Variants in MACROD2 observed in about 807,000 individuals in gnomAD.
MACROD2 encodes the protein ADP-ribose glycohydrolase MACROD2.
A neutral mutation model predicts 70.4 loss-of-function variants in MACROD2; 36 were observed. The ratio of observed to expected loss-of-function variants is 0.51; its 90% confidence interval spans 0.39 to 0.68. MACROD2 has a LOEUF of 0.68. Among genes scored for constraint, MACROD2 ranks in the 30% least tolerant of loss-of-function variants. The pLI, the probability that MACROD2 is intolerant of heterozygous loss-of-function variation, is 0.00. For missense variants in MACROD2, 496 were observed against 538.4 expected (o/e 0.92, Z 0.78); for synonymous variants, 172 against 178.8 (o/e 0.96, Z 0.30).
At chr20:15,333,074 G>A (rs1239073440) in intron 6 of MACROD2, among the ~76,000 whole-genome samples, 1 of 151,588 alleles carries the variant, frequency 6.6e-6, no homozygotes, top group East Asian at 1.9e-4. Context: ...AATGAAAGTA[G>A]AGTTCTTTCA....
chr20:15,180,763 T>C (rs371799975), intron 5 of MACROD2, among the ~76,000 whole-genome samples: 75 of 152,376 alleles, frequency 4.9e-4, no homozygotes, highest in African/African-American at 1.8e-3. Flanking sequence ...AGTTCTGGGA[T>C]TACAGGCGTG....
intron 6 of MACROD2, among the ~76,000 whole-genome samples, chr20:15,295,997 C>A (rs1318030574): frequency 6.6e-6 from 1 of 152,212 alleles, no homozygotes; most frequent in Admixed American, 6.5e-5. Context: ...AAATCCCCAG[C>A]AAGCTTTTGT....
At chr20:14,277,166 G>T (rs6135106) in intron 3 of MACROD2, among the ~76,000 whole-genome samples, 25,987 of 152,088 alleles carry the variant, frequency 0.17, 2,621 homozygotes, top group East Asian at 0.27. Context: ...AATTAACTGG[G>T]CATGGTGGCA....
chr20:14,429,042 A>G (rs1443991738), intron 3 of MACROD2, among the ~76,000 whole-genome samples: 5 of 152,296 alleles, frequency 3.3e-5, no homozygotes, highest in Non-Finnish European at 5.9e-5. Flanking sequence ...TGCAGTATTT[A>G]CTGCTTTAAA....
chr20:15,090,013 AGAG>A (rs2075781219), intron 5 of MACROD2, among the ~76,000 whole-genome samples: 1 of 152,138 alleles, frequency 6.6e-6, no homozygotes, highest in Non-Finnish European at 1.5e-5. Flanking sequence ...ATCAGCTTTC[AGAG>A]GAGTAGTTTA....
intron 8 of MACROD2, among the ~76,000 whole-genome samples, chr20:15,645,713 TAGTA>T (rs1244408284): frequency 6.6e-6 from 1 of 152,204 alleles, no homozygotes; most frequent in Non-Finnish European, 1.5e-5. Context: ...CTCTTACTTA[TAGTA>T]AGTAAGCTGG....
At position 14,074,327 on chromosome 20, in the gene MACROD2, G is replaced by T. The variant is rs528244257; in HGVS notation, c.164-11294G>T. 5.3e-5 allele frequency among the ~76,000 whole-genome samples: 8 copies of T among 152,054 alleles called. No individual in the cohort carries two copies. The East Asian group carries it at 1.5e-3, about 29-fold the overall frequency. On this transcript the variant is annotated intron_variant, in intron 2 of 17. Transcript: ENST00000684519. ...TTAACAGTTAATGGTCCTGTGATAC[G>T]GGTAGGATTAGATTTATTATTGGAT...
intron 12 of MACROD2, among the ~76,000 whole-genome samples, chr20:15,961,007 C>T (rs1172358762): frequency 6.6e-6 from 1 of 152,078 alleles, no homozygotes; most frequent in Non-Finnish European, 1.5e-5. Flanking sequence ...TTTACTACAA[C>T]AATTTATAAT....
intron 5 of MACROD2, among the ~76,000 whole-genome samples, chr20:14,717,624 G>A (rs1415253395): frequency 6.6e-6 from 1 of 151,512 alleles, no homozygotes; most frequent in Non-Finnish European, 1.5e-5. Flanking sequence ...CAGAGAGAGA[G>A]GATTAACTTT....
intron 3 of MACROD2, among the ~76,000 whole-genome samples, chr20:14,227,742 G>A (rs2081755978): frequency 6.6e-6 from 1 of 152,204 alleles, no homozygotes; most frequent in South Asian, 2.1e-4. Context: ...AGGGTCTGCT[G>A]GGCTGAGCCT....
chr20:15,737,939 G>A (rs1458460524), intron 8 of MACROD2, among the ~76,000 whole-genome samples: 1 of 152,026 alleles, frequency 6.6e-6, no homozygotes, highest in African/African-American at 2.4e-5. Flanking sequence ...ATGGATGGAT[G>A]AACAAACAAA....
intron 6 of MACROD2, among the ~76,000 whole-genome samples, chr20:15,295,823 C>T (rs1157913348): frequency 1.3e-5 from 2 of 152,166 alleles, no homozygotes; most frequent in Non-Finnish European, 2.9e-5. Context: ...TGCCTTTCTT[C>T]ATGGTCCAGG....
At chr20:14,097,988 A>G (rs935270110) in intron 3 of MACROD2, among the ~76,000 whole-genome samples, 4 of 152,180 alleles carry the variant, frequency 2.6e-5, no homozygotes, top group Non-Finnish European at 5.9e-5. Flanking sequence ...CATTTCGGAT[A>G]TTGGATTTTT....
chr20:15,443,148 A>G (rs2046517909), intron 7 of MACROD2, among the ~76,000 whole-genome samples: 1 of 152,086 alleles, frequency 6.6e-6, no homozygotes, highest in African/African-American at 2.4e-5. Context: ...CATCAATCGC[A>G]ATTTGTTTCT....
intron 6 of MACROD2, among the ~76,000 whole-genome samples, chr20:15,364,155 T>C (rs1394518595): frequency 6.6e-6 from 1 of 152,236 alleles, no homozygotes; most frequent in Middle Eastern, 3.2e-3. Flanking sequence ...TTTGTATTCT[T>C]CATAAAACAA....
At chr20:14,085,200 A>AT (rs965130687) in intron 2 of MACROD2, among the ~76,000 whole-genome samples, 18 of 150,862 alleles carry the variant, frequency 1.2e-4, no homozygotes, top group African/African-American at 2.4e-4. Flanking sequence ...GCTGAACCTA[A>AT]TTTTTTTTTG....
chr20:15,562,230 C>T (rs2048254214), intron 8 of MACROD2, among the ~76,000 whole-genome samples: 1 of 152,084 alleles, frequency 6.6e-6, no homozygotes, highest in Non-Finnish European at 1.5e-5. Context: ...CTCTGTCCAT[C>T]TTGGAGCAGC....
intron 5 of MACROD2, among the ~76,000 whole-genome samples, chr20:15,058,822 T>A (rs909631936): frequency 1.3e-5 from 2 of 152,182 alleles, no homozygotes; most frequent in Non-Finnish European, 2.9e-5. Context: ...ATTAAAAAAA[T>A]TATATCAGTA....
chr20:14,957,466 T>G (rs917664317), intron 5 of MACROD2, among the ~76,000 whole-genome samples: 2 of 152,092 alleles, frequency 1.3e-5, no homozygotes, highest in Non-Finnish European at 2.9e-5. Flanking sequence ...AGTGGCAAAG[T>G]GATGAGAGGC....
Sources: gnomAD v4.1 joint callset for allele counts (sites outside exome capture counted in the v4.1 genomes callset) on GRCh38, gnomAD v4.1.1 for gene constraint, MANE v1.5 for transcripts, NCBI Gene and HGNC (gene_info 2026-07-23, HGNC 2026-07-21) for gene names.